The following OR1F1 variants were observed in gnomAD, a reference collection of about 807,000 sequenced individuals.
OR1F1 encodes olfactory receptor family 1 subfamily F member 1, also known as olfactory receptor 1F1.
For synonymous variants in OR1F1, 184 were observed against 156.7 expected, an observed-to-expected ratio of 1.17 and a Z score of -1.30; for missense variants, 493 against 376.3, an observed-to-expected ratio of 1.31 and a Z score of -2.57.
the OR1F1 span, among the ~76,000 whole-genome samples, chr16:3,191,735 C>A: frequency 6.6e-6 from 1 of 151,786 alleles, no homozygotes; most frequent in Non-Finnish European, 1.5e-5. Flanking sequence ...TGACCAAAGG[C>A]AGCACCGGGA....
chr16:3,194,365 A>T, the OR1F1 span, among the ~76,000 whole-genome samples: 1 of 152,210 alleles, frequency 6.6e-6, no homozygotes, highest in East Asian at 1.9e-4. Flanking sequence ...ATTTCATAGA[A>T]ATAAGAGTAC....
At chr16:3,203,214 A>G (rs982682996), upstream of OR1F1, among the ~76,000 whole-genome samples, 2 of 152,262 alleles carry the variant, frequency 1.3e-5, no homozygotes, top group East Asian at 3.9e-4. Context: ...GCTTTTCTCA[A>G]TGAGGCTCTC....
the OR1F1 span, among the ~76,000 whole-genome samples, chr16:3,188,908 G>A: frequency 2.6e-5 from 4 of 152,332 alleles, no homozygotes; most frequent in South Asian, 8.3e-4. Context: ...TGAAGGGCAA[G>A]GGGGCGCATC....
upstream of OR1F1, among the ~76,000 whole-genome samples, chr16:3,199,322 G>T (rs904379960): frequency 4.0e-5 from 6 of 151,272 alleles, no homozygotes; most frequent in Admixed American, 1.3e-4. Context: ...TAATTATTAT[G>T]ATGATGAAAA....
At chr16:3,191,892 A>G in the OR1F1 span, among the ~76,000 whole-genome samples, 1 of 152,116 alleles carries the variant, frequency 6.6e-6, no homozygotes, top group African/African-American at 2.4e-5. Flanking sequence ...TGAGTCTGCA[A>G]TCCCAGTCTC....
chr16:3,188,341 G>A, the OR1F1 span: 1 of 152,050 alleles, frequency 6.6e-6, no homozygotes, highest in Non-Finnish European at 1.5e-5. Flanking sequence ...TGCCAACTGC[G>A]GCAACTGCGG....
At chr16:3,204,507 C>T (rs1306368425) in exon 1 of OR1F1, 13 of 1,614,206 alleles carry the variant, frequency 8.1e-6, no homozygotes, top group Non-Finnish European at 1.0e-5. Context: ...ATCACATACT[C>T]GAGACTCAGA....
At chr16:3,192,051 G>A in the OR1F1 span, among the ~76,000 whole-genome samples, 1,160 of 152,164 alleles carry the variant, frequency 7.6e-3, 14 homozygotes, top group African/African-American at 0.025. Context: ...TTCAAATCCC[G>A]GACGAGCCCC....
chr16:3,193,663 T>A, the OR1F1 span, among the ~76,000 whole-genome samples: 1 of 152,118 alleles, frequency 6.6e-6, no homozygotes, highest in Non-Finnish European at 1.5e-5. Flanking sequence ...AGTGGCGCCA[T>A]CTCGGCTCCC....
At chr16:3,192,984 T>C in the OR1F1 span, among the ~76,000 whole-genome samples, 9 of 152,222 alleles carry the variant, frequency 5.9e-5, no homozygotes, top group African/African-American at 2.2e-4. Context: ...TCGCCCAGGC[T>C]GGAATGCAGT....
chr16:3,192,038 G>GT, the OR1F1 span, among the ~76,000 whole-genome samples: 2 of 152,084 alleles, frequency 1.3e-5, no homozygotes, highest in Non-Finnish European at 2.9e-5. Flanking sequence ...GAGAGGTCCC[G>GT]GGTTCAAATC....
exon 1 of OR1F1, chr16:3,204,856 G>T (rs1191793941): frequency 6.2e-7 from 1 of 1,614,122 alleles, no homozygotes; most frequent in Non-Finnish European, 8.5e-7. Flanking sequence ...TAGTGAGGGT[G>T]CCCTGGTCAT....
chr16:3,203,076 A>G (rs377161988), upstream of OR1F1, among the ~76,000 whole-genome samples: 1 of 152,226 alleles, frequency 6.6e-6, no homozygotes, highest in Non-Finnish European at 1.5e-5. Flanking sequence ...ATTGTTGCCA[A>G]TGATTACCCC....
At chr16:3,203,920 C>T (rs1958166834), upstream of OR1F1, among the ~76,000 whole-genome samples, 1 of 152,156 alleles carries the variant, frequency 6.6e-6, no homozygotes, top group African/African-American at 2.4e-5. Context: ...CAGTCAGGAC[C>T]AGCCTCTGTC....
the OR1F1 span, among the ~76,000 whole-genome samples, chr16:3,194,488 C>G: frequency 6.6e-6 from 1 of 152,122 alleles, no homozygotes; most frequent in African/African-American, 2.4e-5. Flanking sequence ...GTTGCTCAAC[C>G]TCAGAAAAGA....
downstream of OR1F1, among the ~76,000 whole-genome samples, chr16:3,205,395 A>G (rs1210859897): frequency 6.6e-6 from 1 of 151,164 alleles, no homozygotes; most frequent in Non-Finnish European, 1.5e-5. Flanking sequence ...GGCTCACTGC[A>G]CCCTCCATCT....
the OR1F1 span, among the ~76,000 whole-genome samples, chr16:3,197,131 C>T: frequency 1.0e-3 from 154 of 152,122 alleles, no homozygotes; most frequent in Non-Finnish European, 1.8e-3. Flanking sequence ...TCTCCTCAGC[C>T]TCCCACAGTG....
At chr16:3,193,244 A>C in the OR1F1 span, among the ~76,000 whole-genome samples, 2 of 152,160 alleles carry the variant, frequency 1.3e-5, no homozygotes, top group Non-Finnish European at 1.5e-5. Flanking sequence ...ATCTTTTGTC[A>C]TGCCCTGGAC....
the OR1F1 span, among the ~76,000 whole-genome samples, chr16:3,197,088 C>T: frequency 1.3e-5 from 2 of 152,024 alleles, no homozygotes; most frequent in African/African-American, 4.8e-5. Flanking sequence ...GTTGGCCAGG[C>T]TAGTCTCGAA....
Sources: gnomAD v4.1 joint callset for allele counts (sites outside exome capture counted in the v4.1 genomes callset) on GRCh38, gnomAD v4.1.1 for gene constraint, MANE v1.5 for transcripts, NCBI Gene and HGNC (gene_info 2026-07-23, HGNC 2026-07-21) for gene names.